SIRPG: variants seen among roughly 807,000 people sequenced by gnomAD.
SIRPG encodes signal-regulatory protein gamma.
Under a neutral mutation model 35.7 loss-of-function variants are expected in SIRPG, and 38 were observed. The ratio of observed to expected loss-of-function variants is 1.06; its 90% CI spans 0.82 to 1.40. The LOEUF (loss-of-function observed/expected upper bound fraction) is 1.40. SIRPG is among the 40% of genes most tolerant of loss of function. The pLI, the probability that SIRPG is intolerant of heterozygous loss-of-function variation, is 0.00. For synonymous variants in SIRPG, 215 were observed against 190.4 expected, an observed-to-expected ratio of 1.13 and a Z score of -1.06; for missense variants, 519 against 483.0, an observed-to-expected ratio of 1.07 and a Z score of -0.70.
chr20:1,672,572 C>T, the SIRPG span, among the ~76,000 whole-genome samples: 424 of 152,256 alleles, frequency 2.8e-3, 4 homozygotes, highest in South Asian at 8.3e-3. Flanking sequence ...AATTTTTGCC[C>T]AGCCATTGAA....
At chr20:1,681,978 T>C in the SIRPG span, among the ~76,000 whole-genome samples, 1 of 152,242 alleles carries the variant, frequency 6.6e-6, no homozygotes, top group Non-Finnish European at 1.5e-5. Context: ...ATATAGTTAC[T>C]ATATAGATAT....
chr20:1,681,142 G>T, the SIRPG span, among the ~76,000 whole-genome samples: 19 of 150,240 alleles, frequency 1.3e-4, no homozygotes, highest in South Asian at 4.3e-3. Context: ...ATGTAGATGA[G>T]TTGGTGAAGA....
chr20:1,643,325 C>T (rs994968278), intron 2 of SIRPG, among the ~76,000 whole-genome samples: 8 of 152,112 alleles, frequency 5.3e-5, no homozygotes, highest in African/African-American at 1.7e-4. Context: ...AAATGGTCTT[C>T]AAACTCTGAT....
At chr20:1,662,051 A>T (rs368064817), upstream of SIRPG, among the ~76,000 whole-genome samples, 7 of 152,246 alleles carry the variant, frequency 4.6e-5, 1 homozygote, top group East Asian at 9.6e-4. Flanking sequence ...CCCTGCAAAA[A>T]GTCCCTTAAG....
chr20:1,636,429 C>T lies in SIRPG; in HGVS notation c.507G>A (p.Glu169=), dbSNP rs1443751638. 1 of 1,614,218 alleles carries T rather than the reference C, an allele frequency of 6.2e-7. No individual in the cohort carries two copies. The highest frequency in any genetic ancestry group is 1.1e-5 in the South Asian group (1 of 91,074). The change falls in exon 3 of 6, where the codon GAG becomes GAA. Residue 169 remains glutamate (E), a synonymous_variant. Coordinates refer to ENST00000303415, the MANE Select transcript of SIRPG (RefSeq NM_018556.4). ...TPEHTVSFTC[E]SHGFSPRDIT... is the part of the protein sequence containing the mutation. ...TGTCTCTGGGAGAGAAGCCATGGGA[C>T]TCACAGGTGAAACTCACTGTATGCT... is the stretch of plus-strand genomic sequence containing the variant.
At chr20:1,681,706 C>T in the SIRPG span, among the ~76,000 whole-genome samples, 1 of 152,100 alleles carries the variant, frequency 6.6e-6, no homozygotes, top group Non-Finnish European at 1.5e-5. Context: ...GGTGGTGGCA[C>T]ACCCCTGTGG....
intron 1 of SIRPG, among the ~76,000 whole-genome samples, chr20:1,651,792 T>C: frequency 6.6e-6 from 1 of 152,162 alleles, no homozygotes; most frequent in African/African-American, 2.4e-5. Context: ...TTTGGAGTGC[T>C]GCCAAGACTC....
upstream of SIRPG, among the ~76,000 whole-genome samples, chr20:1,658,167 TAGG>T (rs1403809227): frequency 6.6e-5 from 10 of 152,240 alleles, no homozygotes; most frequent in African/African-American, 2.2e-4. Context: ...CCGCTGGACG[TAGG>T]AGAAGAGTTC....
At chr20:1,681,944 T>C in the SIRPG span, among the ~76,000 whole-genome samples, 440 of 141,102 alleles carry the variant, frequency 3.1e-3, 1 homozygote, top group African/African-American at 0.011. Flanking sequence ...ACTATGGATA[T>C]GGATATAACT....
chr20:1,649,790 C>T (rs1197433556), intron 1 of SIRPG, among the ~76,000 whole-genome samples: 1 of 150,428 alleles, frequency 6.6e-6, no homozygotes, highest in Admixed American at 6.6e-5. Context: ...GTGTATACCA[C>T]CATGCCAGGT....
the SIRPG span, among the ~76,000 whole-genome samples, chr20:1,682,615 A>G: frequency 6.6e-6 from 1 of 152,256 alleles, no homozygotes; most frequent in Admixed American, 6.5e-5. Context: ...CACAATAGGG[A>G]AAAGTCAATC....
chr20:1,669,372 C>A, the SIRPG span, among the ~76,000 whole-genome samples: 1 of 152,128 alleles, frequency 6.6e-6, no homozygotes, highest in African/African-American at 2.4e-5. Context: ...GAAATTTGCA[C>A]GTAGTAAATG....
chr20:1,649,094 C>G lies in SIRPG; in HGVS notation c.388G>C (p.Val130Leu). The change falls in exon 2 of 6, where the codon GTG (valine) becomes CTG (leucine). Residue 130 changes from valine (V) to leucine (L), a missense_variant. Physicochemically the swap from Val to Leu is conservative, Grantham distance 32. Coordinates refer to ENST00000303415, the MANE Select transcript of SIRPG (RefSeq NM_018556.4). ...VKFRKGSPEN[V>L]EFKSGPGTEM... is the part of the protein sequence containing the mutation. Reference sequence around the variant, plus strand: ...GTGCCTGGTCCAGACTTAAACTCCACGTTCTCAGGGCTCCCTTTTCGAAAC... The same window carrying G: ...GTGCCTGGTCCAGACTTAAACTCCAGGTTCTCAGGGCTCCCTTTTCGAAAC... The G allele has an allele frequency of 6.2e-7, 1 of 1,613,944 alleles. No homozygotes were observed. The highest frequency in any genetic ancestry group is 1.3e-5 in the African/African-American group (1 of 75,034).
chr20:1,656,991 G>A (rs141718800), intron 1 of SIRPG, among the ~76,000 whole-genome samples: 218 of 152,300 alleles, frequency 1.4e-3, no homozygotes, highest in African/African-American at 4.9e-3. Context: ...AATGGGTGAA[G>A]CAATTTAGTT....
chr20:1,665,335 G>A, the SIRPG span: 1 of 169,856 alleles, frequency 5.9e-6, no homozygotes, highest in Non-Finnish European at 1.3e-5. Flanking sequence ...ACCCCCAGCA[G>A]GGCCCTGGGG....
chr20:1,636,509 C>T lies in SIRPG; in HGVS notation c.431-4G>A, dbSNP rs747156283. On this transcript the variant is annotated splice_region_variant and splice_polypyrimidine_tract_variant and intron_variant, in intron 2 of 5. Transcript: ENST00000303415. ...ACCACGGGGGCAGAGGGTTTGGCTA[C>T]AAAAGGGGCATCGATAAACAGGAGA... 7 of 1,613,896 alleles carry T rather than the reference C, an allele frequency of 4.3e-6. No individual in the cohort carries two copies. The South Asian group carries it at 4.4e-5, about 10-fold the overall frequency.
chr20:1,680,900 G>A, the SIRPG span, among the ~76,000 whole-genome samples: 1 of 151,910 alleles, frequency 6.6e-6, no homozygotes, highest in African/African-American at 2.4e-5. Context: ...CCTTATCATG[G>A]GTATTGGTTA....
At chr20:1,660,122 A>G (rs918332472), upstream of SIRPG, among the ~76,000 whole-genome samples, 4 of 152,356 alleles carry the variant, frequency 2.6e-5, no homozygotes, top group East Asian at 1.9e-4. Flanking sequence ...CAGGCATGTA[A>G]TAATATGAAA....
At chr20:1,646,167 G>T (rs2091895931) in intron 2 of SIRPG, 1 of 152,200 alleles carries the variant, frequency 6.6e-6, no homozygotes, top group Non-Finnish European at 1.5e-5. Context: ...TCCATTAACA[G>T]AGCAAGTGCC....
Sources: allele counts gnomAD v4.1 joint callset (sites outside exome capture counted in the v4.1 genomes callset), GRCh38; gene constraint gnomAD v4.1.1; transcripts MANE v1.5; gene names NCBI Gene and HGNC (gene_info 2026-07-23, HGNC 2026-07-21).